The following GSE1 variants were observed in gnomAD, a reference collection of about 807,000 sequenced individuals.
GSE1 encodes the protein Gse1 coiled-coil protein.
GSE1 carries 32 observed loss-of-function variants against 112.6 expected under a neutral mutation model. The observed-to-expected ratio is 0.28, with a 90% CI of 0.21 to 0.38. GSE1 has a LOEUF of 0.38. Among genes scored for constraint, GSE1 ranks in the 10% least tolerant of loss-of-function variants. The probability of loss-of-function intolerance (pLI) is 1.00; values close to 1 mark genes in which losing one functional copy is unlikely to be tolerated. For synonymous variants in GSE1, 1,115 were observed against 735.6 expected (o/e 1.52, Z -8.35); for missense variants, 2,348 against 1,699.2 (o/e 1.38, Z -6.71).
chr16:85,301,134 C>T (rs550699852), intron 1 of GSE1, among the ~76,000 whole-genome samples: 2 of 152,342 alleles, frequency 1.3e-5, no homozygotes, highest in South Asian at 4.1e-4. Flanking sequence ...CTCCCTCTCC[C>T]ATCACATGGC....
At chr16:85,261,898 G>A (rs1907729188) in intron 1 of GSE1, among the ~76,000 whole-genome samples, 1 of 152,152 alleles carries the variant, frequency 6.6e-6, no homozygotes, top group South Asian at 2.1e-4. Context: ...TCCCTGGGGG[G>A]CTAAACCCTC....
chr16:85,630,894 G>A (rs2049485349), intron 1 of GSE1, among the ~76,000 whole-genome samples: 1 of 152,202 alleles, frequency 6.6e-6, no homozygotes, highest in African/African-American at 2.4e-5. Context: ...GTGGGACACA[G>A]GCTGGGTGGT....
intron 1 of GSE1, among the ~76,000 whole-genome samples, chr16:85,314,936 T>C (rs1225025676): frequency 6.6e-6 from 1 of 152,230 alleles, no homozygotes; most frequent in Admixed American, 6.5e-5. Flanking sequence ...GTTTGCCATT[T>C]GCTGACCTCA....
intron 2 of GSE1, among the ~76,000 whole-genome samples, chr16:85,389,896 C>T (rs367880169): frequency 1.9e-4 from 29 of 152,156 alleles, no homozygotes; most frequent in Admixed American, 1.8e-3. Context: ...CCACGCTTAG[C>T]GGATCTGGGC....
At chr16:85,652,746 C>T (rs1169214914) in intron 3 of GSE1, among the ~76,000 whole-genome samples, 1 of 151,842 alleles carries the variant, frequency 6.6e-6, no homozygotes, top group African/African-American at 2.4e-5. Context: ...CAGGCACGGC[C>T]CCTGGGAGAC....
intron 2 of GSE1, among the ~76,000 whole-genome samples, chr16:85,360,956 C>G (rs1158511392): frequency 2.6e-5 from 4 of 152,002 alleles, no homozygotes; most frequent in South Asian, 2.1e-4. Context: ...CAGACCCTGT[C>G]TGCACCACAA....
intron 2 of GSE1, among the ~76,000 whole-genome samples, chr16:85,634,620 C>T (rs2049831962): frequency 6.6e-6 from 1 of 152,136 alleles, no homozygotes; most frequent in South Asian, 2.1e-4. Flanking sequence ...CCCACCACTG[C>T]TCAACTCCCT....
chr16:85,633,255 C>T (rs1191539395), intron 1 of GSE1, among the ~76,000 whole-genome samples: 2 of 152,232 alleles, frequency 1.3e-5, no homozygotes, highest in Non-Finnish European at 2.9e-5. Context: ...CTGTGTGGCC[C>T]CATCTCTGGG....
intron 2 of GSE1, among the ~76,000 whole-genome samples, chr16:85,535,903 G>C (rs1215620180): frequency 6.6e-6 from 1 of 152,236 alleles, no homozygotes; most frequent in Non-Finnish European, 1.5e-5. Flanking sequence ...TCTCTGACGG[G>C]CATTCATTGG....
intron 1 of GSE1, among the ~76,000 whole-genome samples, chr16:85,616,915 G>A (rs1347333411): frequency 6.6e-6 from 1 of 152,192 alleles, no homozygotes; most frequent in Non-Finnish European, 1.5e-5. Flanking sequence ...TAAAACAGGA[G>A]CGTGGCCAAA....
chr16:85,265,911 G>T (rs1189273827), intron 1 of GSE1, among the ~76,000 whole-genome samples: 1 of 152,106 alleles, frequency 6.6e-6, no homozygotes, highest in Non-Finnish European at 1.5e-5. Context: ...GCAGTCTCTG[G>T]CCTTGACATT....
rs184424758 is a variant in GSE1 at position 85,634,030 on chromosome 16, G to A, written c.124G>A (p.Gly42Ser). 18 of 1,611,120 alleles carry A rather than the reference G, an allele frequency of 1.1e-5. No individual in the cohort carries two copies. The highest frequency in any genetic ancestry group is 5.5e-5 in the South Asian group (5 of 90,884). The change falls in exon 2 of 16, where the codon GGC becomes AGC. Residue 42 changes from glycine to serine, a missense_variant. By Grantham distance (56) the Gly-to-Ser change is moderately conservative. Transcript: ENST00000253458. ...SPLNGALVPS[G>S]SPATSSALSA... The stretch of plus-strand genomic sequence containing the variant: ...GCTCAATGGCGCCCTGGTGCCCAGC[G>A]GCAGCCCCGCCACCAGCAGCGCGCT...
chr16:85,403,393 C>T (rs569861444), intron 2 of GSE1, among the ~76,000 whole-genome samples: 71 of 152,244 alleles, frequency 4.7e-4, no homozygotes, highest in African/African-American at 1.5e-3. Flanking sequence ...ATTGGGGGCT[C>T]GTCAAAGCTG....
At chr16:85,199,531 A>T (rs2074990103) in intron 1 of GSE1, among the ~76,000 whole-genome samples, 1 of 152,218 alleles carries the variant, frequency 6.6e-6, no homozygotes, top group African/African-American at 2.4e-5. Context: ...TTAATTTATC[A>T]GAGGCGCATC....
chr16:85,478,916 TTTCTTTC>T (rs2050574594), intron 2 of GSE1, among the ~76,000 whole-genome samples: 1 of 58,396 alleles, frequency 1.7e-5, no homozygotes. Context: ...TCTTTCTTTC[TTTCTTTC>T]TTTCTCTTTC....
chr16:85,348,244 A>G (rs1472176316), intron 1 of GSE1, among the ~76,000 whole-genome samples: 2 of 151,724 alleles, frequency 1.3e-5, no homozygotes, highest in Non-Finnish European at 2.9e-5. Flanking sequence ...TCCATCATCC[A>G]TCCATCCATC....
chr16:85,667,832 T>C lies in GSE1; in HGVS notation c.3131-308T>C, dbSNP rs116725643. On this transcript the variant is annotated intron_variant, in intron 13 of 15. Coordinates refer to ENST00000253458, the MANE Select transcript of GSE1 (RefSeq NM_014615.5). ...GAGATCACGCCATTTCTCTCCAGCC[T>C]GCTACCCAGAGGACTGAGGGCAGCC... Among the ~76,000 whole-genome samples, 445 of 152,314 alleles carry C rather than the reference T, an allele frequency of 2.9e-3. 4 individuals are homozygous for C. Among genetic ancestry groups the C allele is most frequent in the African/African-American group, 9.0e-3 (376 of 41,564 alleles).
chr16:85,497,464 C>T lies in GSE1; in HGVS notation c.2465-136450C>T, dbSNP rs541149884. On this transcript the variant is annotated intron_variant, in intron 2 of 2. Transcript: ENST00000637419. Reference sequence around the variant, plus strand: ...TGGTTGGGATAGACAAGGTCGTGTGCGTGAATTCTTCAGCCCAGTGCCCAG... The same window carrying T: ...TGGTTGGGATAGACAAGGTCGTGTGTGTGAATTCTTCAGCCCAGTGCCCAG... 3.9e-5 allele frequency among the ~76,000 whole-genome samples: 6 copies of T among 152,306 alleles called. No homozygotes were observed. The South Asian group carries it at 8.3e-4, about 21-fold the overall frequency.
At chr16:85,249,099 C>T (rs1906175278) in intron 1 of GSE1, among the ~76,000 whole-genome samples, 1 of 152,218 alleles carries the variant, frequency 6.6e-6, no homozygotes, top group South Asian at 2.1e-4. Context: ...GTTCCAAGTC[C>T]ACAAAAGCCC....
Sources: allele counts gnomAD v4.1 joint callset (sites outside exome capture counted in the v4.1 genomes callset), GRCh38; gene constraint gnomAD v4.1.1; transcripts MANE v1.5; gene names NCBI Gene and HGNC (gene_info 2026-07-23, HGNC 2026-07-21).